Variants in MAST4 observed in about 807,000 individuals in gnomAD.
The protein encoded by MAST4 is microtubule-associated serine/threonine-protein kinase 4.
A neutral mutation model predicts 162.7 loss-of-function variants in MAST4; 89 were observed. That is an observed-to-expected ratio of 0.55 (90% CI 0.46 to 0.65). The LOEUF is 0.65. MAST4 is among the 30% of genes least tolerant of loss of function. The pLI is 0.00. For missense variants in MAST4, 3,153 were observed against 3,374.0 expected, an observed-to-expected ratio of 0.93 and a Z score of 1.62; for synonymous variants, 1,479 against 1,361.1, an observed-to-expected ratio of 1.09 and a Z score of -1.91.
intron 4 of MAST4, chr5:66,963,963 C>T (rs1746336716): frequency 2.8e-6 from 2 of 707,050 alleles, no homozygotes; most frequent in South Asian, 3.0e-5. Flanking sequence ...CATATTTACT[C>T]ATATTTCACT....
At chr5:66,958,595 C>G (rs962826348) in intron 4 of MAST4, among the ~76,000 whole-genome samples, 9 of 152,182 alleles carry the variant, frequency 5.9e-5, no homozygotes, top group African/African-American at 2.2e-4. Flanking sequence ...CAAGTCTTTG[C>G]GGCACAACGG....
intron 3 of MAST4, among the ~76,000 whole-genome samples, chr5:66,864,830 T>G (rs1370489180): frequency 2.0e-5 from 3 of 152,116 alleles, no homozygotes; most frequent in Non-Finnish European, 2.9e-5. Flanking sequence ...GTGAGACAGT[T>G]TCTGTTGTTG....
At chr5:66,977,523 G>T (rs1444024363) in intron 4 of MAST4, among the ~76,000 whole-genome samples, 3 of 152,090 alleles carry the variant, frequency 2.0e-5, no homozygotes, top group Admixed American at 2.0e-4. Context: ...GTACACATTT[G>T]GGGGGAAAAG....
chr5:67,089,665 A>G (rs1763620444), intron 5 of MAST4, among the ~76,000 whole-genome samples: 1 of 152,196 alleles, frequency 6.6e-6, no homozygotes, highest in South Asian at 2.1e-4. Flanking sequence ...CCTTTAAAAT[A>G]TGTGCTTCAG....
At chr5:66,952,279 T>C (rs1187844548) in intron 4 of MAST4, among the ~76,000 whole-genome samples, 2 of 152,234 alleles carry the variant, frequency 1.3e-5, no homozygotes, top group Non-Finnish European at 2.9e-5. Flanking sequence ...CAAAGTCATG[T>C]CTTAGTAATT....
At chr5:66,633,572 C>A (rs1474252462) in intron 1 of MAST4, among the ~76,000 whole-genome samples, 1 of 152,058 alleles carries the variant, frequency 6.6e-6, no homozygotes, top group African/African-American at 2.4e-5. Flanking sequence ...CAGGGGTTTC[C>A]AAAAGTCCCT....
intron 26 of MAST4, among the ~76,000 whole-genome samples, chr5:67,158,066 C>T (rs1772751356): frequency 6.6e-6 from 1 of 152,150 alleles, no homozygotes; most frequent in African/African-American, 2.4e-5. Flanking sequence ...ACATCAGTGA[C>T]ACAGGAACTC....
At chr5:66,798,157 A>G (rs1017365436) in intron 3 of MAST4, among the ~76,000 whole-genome samples, 2 of 152,216 alleles carry the variant, frequency 1.3e-5, no homozygotes, top group Admixed American at 6.5e-5. Context: ...TTCAGTGGCT[A>G]CATATTCATC....
At chr5:66,684,592 AAGTC>A (rs1278670174) in intron 1 of MAST4, among the ~76,000 whole-genome samples, 4 of 152,340 alleles carry the variant, frequency 2.6e-5, no homozygotes, top group Middle Eastern at 3.4e-3. Context: ...ATTTGAATAA[AAGTC>A]AGGGTTGAAA....
chr5:66,918,832 AT>A (rs1477098337), intron 4 of MAST4, among the ~76,000 whole-genome samples: 1 of 152,196 alleles, frequency 6.6e-6, no homozygotes, highest in Non-Finnish European at 1.5e-5. Flanking sequence ...TGAATGATAT[AT>A]ATAATGAATG....
intron 1 of MAST4, among the ~76,000 whole-genome samples, chr5:66,649,082 C>A (rs1746048384): frequency 6.6e-6 from 1 of 152,010 alleles, no homozygotes; most frequent in South Asian, 2.1e-4. Flanking sequence ...GTGTTCTCTC[C>A]CTTGGTTGGG....
chr5:67,047,495 C>A (rs377634761), intron 4 of MAST4, among the ~76,000 whole-genome samples: 1 of 152,226 alleles, frequency 6.6e-6, no homozygotes, highest in African/African-American at 2.4e-5. Context: ...TCCTGACCAC[C>A]TGTTTGAAAT....
At chr5:66,946,930 T>C (rs955247984) in intron 4 of MAST4, among the ~76,000 whole-genome samples, 6 of 152,146 alleles carry the variant, frequency 3.9e-5, no homozygotes, top group African/African-American at 1.4e-4. Context: ...CTCCCCACTT[T>C]AGACGTCCAC....
chr5:66,656,447 T>TA, intron 1 of MAST4, among the ~76,000 whole-genome samples: 1 of 152,350 alleles, frequency 6.6e-6, no homozygotes, highest in Admixed American at 6.5e-5. Flanking sequence ...TGCAATAGCT[T>TA]CCCTGGGTAT....
chr5:66,634,412 T>G (rs544930062), intron 1 of MAST4, among the ~76,000 whole-genome samples: 1 of 152,340 alleles, frequency 6.6e-6, no homozygotes, highest in South Asian at 2.1e-4. Flanking sequence ...TCCTGTTTCT[T>G]CTTCACGTTG....
chr5:67,068,014 G>T (rs1247869649), intron 5 of MAST4, among the ~76,000 whole-genome samples: 1 of 152,142 alleles, frequency 6.6e-6, no homozygotes, highest in Non-Finnish European at 1.5e-5. Flanking sequence ...TGACTTGCTG[G>T]TATCTGACCC....
chr5:66,617,594 G>A (rs527773660), intron 1 of MAST4, among the ~76,000 whole-genome samples: 4 of 152,192 alleles, frequency 2.6e-5, no homozygotes, highest in Admixed American at 6.5e-5. Flanking sequence ...TGAATTCCTG[G>A]CTCACAAAAT....
At chr5:66,653,688 C>T (rs939877029) in intron 1 of MAST4, among the ~76,000 whole-genome samples, 6 of 152,180 alleles carry the variant, frequency 3.9e-5, no homozygotes, top group African/African-American at 1.4e-4. Context: ...TGTGCAAGGC[C>T]ATCTGAACTC....
chr5:67,106,547 A>G (rs985157333), intron 10 of MAST4, among the ~76,000 whole-genome samples: 8 of 152,128 alleles, frequency 5.3e-5, no homozygotes, highest in East Asian at 1.9e-4. Context: ...TTCCTGTTCT[A>G]TAATCACTAC....
Sources: gnomAD v4.1 joint callset for allele counts (sites outside exome capture counted in the v4.1 genomes callset) on GRCh38, gnomAD v4.1.1 for gene constraint, MANE v1.5 for transcripts, NCBI Gene and HGNC (gene_info 2026-07-23, HGNC 2026-07-21) for gene names.